Variants in CLEC16A observed in about 807,000 individuals in gnomAD.
CLEC16A encodes C-type lectin domain containing 16A.
A neutral mutation model predicts 109.5 loss-of-function variants in CLEC16A; 51 were observed. The ratio of observed to expected loss-of-function variants is 0.47; its 90% CI spans 0.37 to 0.59. The LOEUF (loss-of-function observed/expected upper bound fraction) is 0.59. Ranked by LOEUF, CLEC16A falls within the 20% of genes least tolerant of loss-of-function variation. The pLI, the probability that CLEC16A is intolerant of heterozygous loss-of-function variation, is 0.00. For synonymous variants in CLEC16A, 673 were observed against 564.2 expected, an observed-to-expected ratio of 1.19 and a Z score of -2.73; for missense variants, 1,339 against 1,394.0, an observed-to-expected ratio of 0.96 and a Z score of 0.63.
chr16:11,160,591 C>G (rs2054688754), intron 22 of CLEC16A, among the ~76,000 whole-genome samples: 1 of 152,002 alleles, frequency 6.6e-6, no homozygotes, highest in Non-Finnish European at 1.5e-5. Flanking sequence ...ACCAAAAACT[C>G]TGGGAGCCAG....
intron 9 of CLEC16A, among the ~76,000 whole-genome samples, chr16:10,980,379 C>T (rs1361963860): frequency 6.6e-6 from 1 of 152,064 alleles, no homozygotes; most frequent in East Asian, 1.9e-4. Flanking sequence ...CCAGCCTCTC[C>T]TGGCAGCTTT....
chr16:11,068,644 C>G (rs2048892425), intron 19 of CLEC16A, among the ~76,000 whole-genome samples: 1 of 152,188 alleles, frequency 6.6e-6, no homozygotes, highest in African/African-American at 2.4e-5. Flanking sequence ...TGGCAAAAAC[C>G]ACAGGCTCAT....
chr16:11,002,139 A>T (rs1049659208), intron 10 of CLEC16A, among the ~76,000 whole-genome samples: 24 of 152,292 alleles, frequency 1.6e-4, no homozygotes, highest in Non-Finnish European at 3.1e-4. Context: ...CCTCGGGCAG[A>T]TCCTTTTCTG....
At chr16:10,971,032 T>TTTTGAAGTCTC in intron 4 of CLEC16A, 93 bp from the exon 5 acceptor site, 3 of 676,022 alleles carry the variant, frequency 4.4e-6, no homozygotes, top group African/African-American at 1.8e-5. Context: ...TTTTGTCTTT[T>TTTTGAAGTCTC]TCTGAAGTCT....
intron 10 of CLEC16A, among the ~76,000 whole-genome samples, chr16:10,996,637 C>G (rs1161160538): frequency 1.3e-5 from 2 of 152,240 alleles, no homozygotes; most frequent in African/African-American, 4.8e-5. Flanking sequence ...CTCCCTTCCT[C>G]TGCGGCCCCA....
chr16:11,001,415 T>G (rs1319485632), intron 10 of CLEC16A, among the ~76,000 whole-genome samples: 1 of 152,144 alleles, frequency 6.6e-6, no homozygotes, highest in African/African-American at 2.4e-5. Flanking sequence ...AATGTAGAAT[T>G]AAGTTTTAGC....
intron 1 of CLEC16A, among the ~76,000 whole-genome samples, chr16:10,948,762 G>C (rs188993075): frequency 2.4e-4 from 37 of 152,306 alleles, no homozygotes; most frequent in Non-Finnish European, 4.1e-4. Flanking sequence ...GCTGAATCCA[G>C]GTGTTTGGAG....
intron 19 of CLEC16A, among the ~76,000 whole-genome samples, chr16:11,106,562 T>C (rs1309823932): frequency 2.0e-5 from 3 of 151,708 alleles, no homozygotes; most frequent in African/African-American, 7.3e-5. Flanking sequence ...GTCTTAGTGC[T>C]GTAGCCTCAA....
rs1381242290 is a variant in CLEC16A at position 11,049,005 on chromosome 16, AT to A, written c.1866+1670del. Among the ~76,000 whole-genome samples, 6 of 123,318 alleles carry A rather than the reference AT, an allele frequency of 4.9e-5. No individual in the cohort carries two copies. The East Asian group carries it at 1.1e-3, about 22-fold the overall frequency. The allele number at this position is 123,318 out of a possible 152,430, so 80.9% of individuals were successfully genotyped here. ...TGCATTGCTGAAATTCTGAGCCTTGATTTTTTTCTTTTTTTTTTTCGAACAG... is the reference window on the plus strand; with the variant it reads ...TGCATTGCTGAAATTCTGAGCCTTGATTTTTTCTTTTTTTTTTTCGAACAG... On this transcript the variant is annotated intron_variant, in intron 17 of 23. Coordinates refer to ENST00000409790, the MANE Select transcript of CLEC16A (RefSeq NM_015226.3).
At chr16:11,133,112 C>T (rs943297498) in intron 22 of CLEC16A, among the ~76,000 whole-genome samples, 4 of 152,110 alleles carry the variant, frequency 2.6e-5, no homozygotes, top group Non-Finnish European at 4.4e-5. Context: ...TTTAACTCCC[C>T]TGTATCACCT....
chr16:11,130,902 T>C lies in CLEC16A; in HGVS notation c.2641+4756T>C, dbSNP rs146769358. Among the ~76,000 whole-genome samples, 4 of 152,356 alleles carry C rather than the reference T, an allele frequency of 2.6e-5. No homozygotes were observed. The East Asian group carries it at 7.7e-4, about 29-fold the overall frequency. The stretch of plus-strand genomic sequence containing the variant: ...AGCAGTTTGTCTCCCCTTTAGAAGC[T>C]ATAAACGATTGTATTTGATGAAAAT... On this transcript the variant is annotated intron_variant, in intron 22 of 23. Transcript: ENST00000409790.
intron 19 of CLEC16A, among the ~76,000 whole-genome samples, chr16:11,115,223 A>G (rs529195622): frequency 1.3e-5 from 2 of 152,300 alleles, no homozygotes; most frequent in South Asian, 4.1e-4. Flanking sequence ...GAAGGTAGTC[A>G]AGTTGTCCTG....
intron 13 of CLEC16A, among the ~76,000 whole-genome samples, chr16:11,026,052 T>A (rs1253258706): frequency 6.6e-6 from 1 of 152,250 alleles, no homozygotes; most frequent in Non-Finnish European, 1.5e-5. Flanking sequence ...AGAACTGCCA[T>A]TCTTTTTTAT....
rs372305959 is a variant in CLEC16A, at chr16:11,178,513, C to A, written c.2985C>A (p.Cys995Ter). 4 of 1,613,344 alleles carry A rather than the reference C, an allele frequency of 2.5e-6. No individual in the cohort carries two copies. Among genetic ancestry groups the A allele is most frequent in the African/African-American group, 2.7e-5 (2 of 74,946 alleles). ...GGCAGCCCACCATTTCCCTGCTCTGCGAGGACACGGCTGACACGCTGAGCG... is the reference window on the plus strand; with the variant it reads ...GGCAGCCCACCATTTCCCTGCTCTGAGAGGACACGGCTGACACGCTGAGCG... ...PARQPTISLL[C>*]EDTADTLSVE... is the part of the protein sequence containing the mutation. Residue 995 changes from cysteine to a stop codon, truncating the protein, a stop_gained, in exon 24 of 24, where the codon TGC (cysteine) becomes TGA (stop). Transcript: ENST00000409790. LOFTEE classifies it low-confidence loss of function (END_TRUNC). This position sits in a 1 kb window ranked among gnomAD's most constrained non-coding sequence, Gnocchi z 6.5.
At chr16:11,172,377 A>G (rs949239561) in intron 23 of CLEC16A, among the ~76,000 whole-genome samples, 4 of 152,200 alleles carry the variant, frequency 2.6e-5, no homozygotes, top group Non-Finnish European at 5.9e-5. Flanking sequence ...CCATCTCCTC[A>G]GATAAGAACT....
chr16:11,109,228 C>T (rs1035411339), intron 19 of CLEC16A, among the ~76,000 whole-genome samples: 28 of 149,200 alleles, frequency 1.9e-4, no homozygotes, highest in African/African-American at 5.2e-4. Context: ...TGCAGTGGTG[C>T]GATCATGACC....
chr16:11,038,068 C>T (rs534000696), intron 13 of CLEC16A, among the ~76,000 whole-genome samples: 157 of 152,258 alleles, frequency 1.0e-3, no homozygotes, highest in African/African-American at 3.6e-3. Context: ...GACTACTACC[C>T]TACTCAAGTC....
chr16:11,153,514 G>C (rs1048669586), intron 22 of CLEC16A, among the ~76,000 whole-genome samples: 8 of 151,122 alleles, frequency 5.3e-5, no homozygotes, highest in African/African-American at 2.0e-4. Flanking sequence ...AGATTAAAAA[G>C]GCTAAACAAT....
intron 10 of CLEC16A, among the ~76,000 whole-genome samples, chr16:10,991,474 TG>T (rs2044009453): frequency 9.4e-6 from 1 of 106,306 alleles, no homozygotes; most frequent in African/African-American, 3.4e-5. Flanking sequence ...GGCCCTGCGG[TG>T]GGATGGTGCC....
Sources: gnomAD v4.1 joint callset for allele counts (sites outside exome capture counted in the v4.1 genomes callset) on GRCh38, gnomAD v4.1.1 for gene constraint, Gnocchi (gnomAD v3.1) non-coding constraint, MANE v1.5 for transcripts, NCBI Gene and HGNC (gene_info 2026-07-23, HGNC 2026-07-21) for gene names.